DCLK1: variants seen among roughly 807,000 people sequenced by gnomAD.
The protein encoded by DCLK1 is doublecortin like kinase 1.
In DCLK1, 16 loss-of-function variants were observed where a neutral mutation model predicts 86.2. The ratio of observed to expected loss-of-function variants is 0.19; its 90% confidence interval spans 0.13 to 0.28. The LOEUF (loss-of-function observed/expected upper bound fraction) is 0.28. Among genes scored for constraint, DCLK1 ranks in the 10% least tolerant of loss-of-function variants. The pLI is 1.00. For missense variants in DCLK1, 590 were observed against 940.2 expected, an observed-to-expected ratio of 0.63 and a Z score of 4.87; for synonymous variants, 369 against 370.5, an observed-to-expected ratio of 1.00 and a Z score of 0.05.
intron 3 of DCLK1, among the ~76,000 whole-genome samples, chr13:36,079,710 T>G (rs1371258654): frequency 6.6e-6 from 1 of 152,130 alleles, no homozygotes; most frequent in East Asian, 1.9e-4. Context: ...ATTCTGTTTC[T>G]TAGAGCAAGG....
intron 4 of DCLK1, among the ~76,000 whole-genome samples, chr13:35,906,342 CAG>C (rs1336440462): frequency 6.9e-6 from 1 of 145,858 alleles, no homozygotes; most frequent in African/African-American, 2.5e-5. Context: ...TAAAGGAAAA[CAG>C]AACTATAGCA....
intron 16 of DCLK1, among the ~76,000 whole-genome samples, chr13:35,786,209 T>TC (rs2086618269): frequency 6.6e-6 from 1 of 152,174 alleles, no homozygotes; most frequent in Non-Finnish European, 1.5e-5. Context: ...GGGGTTTAGT[T>TC]CCCATCCTTA....
intron 3 of DCLK1, among the ~76,000 whole-genome samples, chr13:35,977,891 G>A (rs1031343073): frequency 2.6e-5 from 4 of 151,964 alleles, no homozygotes; most frequent in Non-Finnish European, 4.4e-5. Flanking sequence ...GTCAAGGTTC[G>A]GAAGCCATCA....
At chr13:35,937,926 A>G (rs928520930) in intron 4 of DCLK1, among the ~76,000 whole-genome samples, 4 of 152,174 alleles carry the variant, frequency 2.6e-5, no homozygotes, top group Admixed American at 6.5e-5. Flanking sequence ...CTTTTAGGAT[A>G]GGAGGAACCT....
intron 3 of DCLK1, among the ~76,000 whole-genome samples, chr13:35,989,965 C>A (rs540889214): frequency 6.6e-6 from 1 of 152,170 alleles, no homozygotes; most frequent in South Asian, 2.1e-4. Flanking sequence ...GCCAGATATA[C>A]CTTTTTGCTT....
intron 3 of DCLK1, among the ~76,000 whole-genome samples, chr13:36,006,110 C>T (rs1048362568): frequency 6.6e-6 from 1 of 152,084 alleles, no homozygotes; most frequent in South Asian, 2.1e-4. Flanking sequence ...TGCAGCAAAC[C>T]ACCATAGTAC....
intron 3 of DCLK1, among the ~76,000 whole-genome samples, chr13:35,972,943 T>C (rs1879143710): frequency 6.6e-6 from 1 of 152,250 alleles, no homozygotes; most frequent in South Asian, 2.1e-4. Flanking sequence ...TGCATTATTA[T>C]TATTCCCACA....
In DCLK1 at chr13:36,065,391, AG is replaced by A. The variant is rs558574282; in HGVS notation, c.723+46477del. Among the ~76,000 whole-genome samples the A allele has an allele frequency of 1.2e-3, 181 of 152,328 alleles. 1 individual carries two copies. Among genetic ancestry groups the A allele is most frequent in the African/African-American group, 4.2e-3 (174 of 41,578 alleles). ...GGGTAATTCTTCCTATAGGATCAAA[AG>A]GAAAACTGGAAAGGAAGAATAATTC... is the stretch of plus-strand genomic sequence containing the variant. On this transcript the variant is annotated intron_variant, in intron 3 of 16. Transcript: ENST00000360631.
intron 4 of DCLK1, among the ~76,000 whole-genome samples, chr13:35,925,742 A>G (rs1317191266): frequency 1.3e-5 from 2 of 152,128 alleles, no homozygotes; most frequent in African/African-American, 4.8e-5. Context: ...CTTATTTTGG[A>G]TAGATCTCAC....
chr13:35,952,752 C>G (rs1877769908), intron 3 of DCLK1, among the ~76,000 whole-genome samples: 1 of 152,174 alleles, frequency 6.6e-6, no homozygotes. Flanking sequence ...ATACGGAAAT[C>G]TAACTCCAAT....
At chr13:35,946,109 C>T (rs1197773892) in intron 4 of DCLK1, among the ~76,000 whole-genome samples, 1 of 152,128 alleles carries the variant, frequency 6.6e-6, no homozygotes. Context: ...CTTCCCTGGG[C>T]TTAGATGATC....
At chr13:35,783,429 C>T (rs1228747242) in intron 16 of DCLK1, among the ~76,000 whole-genome samples, 4 of 152,002 alleles carry the variant, frequency 2.6e-5, no homozygotes, top group East Asian at 1.9e-4. Context: ...TTCACCTTTT[C>T]GTAGGTGTGG....
At chr13:35,840,056 G>C (rs1869680125) in intron 6 of DCLK1, among the ~76,000 whole-genome samples, 1 of 152,212 alleles carries the variant, frequency 6.6e-6, no homozygotes, top group African/African-American at 2.4e-5. Context: ...TTGGCCTGAT[G>C]GGAGCAGGAG....
At chr13:36,091,709 GAT>G (rs1286004942) in intron 3 of DCLK1, among the ~76,000 whole-genome samples, 1 of 152,206 alleles carries the variant, frequency 6.6e-6, no homozygotes, top group Non-Finnish European at 1.5e-5. Context: ...TTCCTAGCGT[GAT>G]ATGTGTCATA....
chr13:35,987,603 C>CA (rs1025432450), intron 3 of DCLK1, among the ~76,000 whole-genome samples: 17 of 152,074 alleles, frequency 1.1e-4, no homozygotes, highest in African/African-American at 4.1e-4. Flanking sequence ...ATACATACAC[C>CA]ATTATGTACC....
rs2086360531 is a variant in DCLK1 at position 35,772,927 on chromosome 13, G to A, written c.*1608C>T. 1 of 152,164 alleles carries A rather than the reference G, an allele frequency of 6.6e-6. No individual in the cohort carries two copies. Among genetic ancestry groups the A allele is most frequent in the South Asian group, 2.1e-4 (1 of 4,830 alleles). The allele number at this position is 152,164 out of a possible 1,614,324, so 9.4% of individuals were successfully genotyped here. ...TGTTCACAAATTTTAAGACTCTCAG[G>A]TATTAAAGTATATTCAAAACAGAGA... On this transcript the variant is annotated 3_prime_UTR_variant, in exon 17 of 17. Coordinates refer to ENST00000360631, the MANE Select transcript of DCLK1 (RefSeq NM_001330071.2).
intron 3 of DCLK1, among the ~76,000 whole-genome samples, chr13:36,001,438 A>G (rs1880717846): frequency 6.6e-6 from 1 of 152,134 alleles, no homozygotes; most frequent in African/African-American, 2.4e-5. Flanking sequence ...CATGCAGGTC[A>G]TTTCACTCTC....
At chr13:36,036,436 G>A (rs966587467) in intron 3 of DCLK1, among the ~76,000 whole-genome samples, 3 of 152,174 alleles carry the variant, frequency 2.0e-5, no homozygotes, top group Non-Finnish European at 2.9e-5. Flanking sequence ...CAGTTTGGGG[G>A]CTTGCCTGTC....
intron 15 of DCLK1, among the ~76,000 whole-genome samples, chr13:35,800,372 T>C (rs1019991199): frequency 6.6e-6 from 1 of 152,224 alleles, no homozygotes; most frequent in Admixed American, 6.5e-5. Flanking sequence ...GAGAAAAGAC[T>C]TGCCCAAGGT....
Sources: allele counts gnomAD v4.1 joint callset (sites outside exome capture counted in the v4.1 genomes callset), GRCh38; gene constraint gnomAD v4.1.1; transcripts MANE v1.5; gene names NCBI Gene and HGNC (gene_info 2026-07-23, HGNC 2026-07-21).